TBC1D1: variants seen among roughly 807,000 people sequenced by gnomAD.
TBC1D1 encodes TBC1 domain family member 1, also known as TBC1 (tre-2/USP6, BUB2, cdc16) domain family, member 1.
In TBC1D1, 89 loss-of-function variants were observed where a neutral mutation model predicts 125.6. That is an observed-to-expected ratio of 0.71 (90% confidence interval 0.60 to 0.85). The LOEUF is 0.85. Among genes scored for constraint, TBC1D1 ranks in the 40% least tolerant of loss-of-function variants. TBC1D1 has a pLI of 0.00. For missense variants in TBC1D1, 1,377 were observed against 1,469.2 expected, an observed-to-expected ratio of 0.94 and a Z score of 1.03; for synonymous variants, 565 against 564.1, an observed-to-expected ratio of 1.00 and a Z score of -0.02.
intron 16 of TBC1D1, 75 bp from the exon 19 acceptor site, chr4:38,117,958 C>T (rs1265450768): frequency 7.3e-7 from 1 of 1,369,230 alleles, no homozygotes; most frequent in African/African-American, 1.4e-5. Flanking sequence ...TTACACCCAC[C>T]CTGTGAGCAG....
chr4:38,068,215 A>G (rs577993903), intron 12 of TBC1D1, among the ~76,000 whole-genome samples: 4 of 152,142 alleles, frequency 2.6e-5, no homozygotes, highest in South Asian at 2.1e-4. Context: ...TCCCTAGTGT[A>G]CTTCCATTTG....
intron 6 of TBC1D1, among the ~76,000 whole-genome samples, chr4:38,022,930 C>T (rs530339004): frequency 9.9e-5 from 15 of 152,142 alleles, no homozygotes; most frequent in Non-Finnish European, 1.9e-4. Context: ...GATCATTTCT[C>T]ATGTTTGTAG....
chr4:37,910,316 A>G (rs1718308589), intron 2 of TBC1D1, among the ~76,000 whole-genome samples: 1 of 152,216 alleles, frequency 6.6e-6, no homozygotes, highest in South Asian at 2.1e-4. Context: ...GTCATTTGCA[A>G]CTACTGAGCA....
chr4:38,096,746 A>G (rs1387117269), intron 14 of TBC1D1, among the ~76,000 whole-genome samples: 1 of 152,216 alleles, frequency 6.6e-6, no homozygotes. Flanking sequence ...GTTTCCAGCA[A>G]TGTGACACAG....
At chr4:37,940,706 C>T (rs563488338) in intron 2 of TBC1D1, among the ~76,000 whole-genome samples, 15 of 152,200 alleles carry the variant, frequency 9.9e-5, no homozygotes, top group African/African-American at 3.1e-4. Flanking sequence ...CCATCAATAC[C>T]GAATTCATTG....
At chr4:37,967,152 G>C (rs1390186606) in intron 2 of TBC1D1, among the ~76,000 whole-genome samples, 5 of 152,122 alleles carry the variant, frequency 3.3e-5, no homozygotes, top group African/African-American at 1.2e-4. Context: ...CATTCACAAA[G>C]AGCTTCATTT....
At chr4:38,025,238 G>A (rs1744844108) in intron 6 of TBC1D1, among the ~76,000 whole-genome samples, 1 of 152,216 alleles carries the variant, frequency 6.6e-6, no homozygotes, top group African/African-American at 2.4e-5. Flanking sequence ...GTTGTAGTTT[G>A]GAAACTCTCT....
intron 2 of TBC1D1, among the ~76,000 whole-genome samples, chr4:37,954,726 C>T (rs1018290333): frequency 2.0e-5 from 3 of 151,860 alleles, no homozygotes; most frequent in African/African-American, 7.3e-5. Flanking sequence ...GGCGGAAGTG[C>T]CTACTTAGTG....
intron 2 of TBC1D1, among the ~76,000 whole-genome samples, chr4:37,949,510 G>A (rs1727393419): frequency 6.6e-6 from 1 of 152,186 alleles, no homozygotes; most frequent in African/African-American, 2.4e-5. Context: ...GGTGCGTACT[G>A]GCAGCTTCTC....
intron 12 of TBC1D1, among the ~76,000 whole-genome samples, chr4:38,077,792 T>G (rs918537066): frequency 6.6e-6 from 1 of 152,176 alleles, no homozygotes. Context: ...TGGGCTTTTA[T>G]GTCAAGTGCT....
chr4:38,131,849 A>C (rs1308267953), intron 18 of TBC1D1, among the ~76,000 whole-genome samples: 1 of 152,112 alleles, frequency 6.6e-6, no homozygotes, highest in Non-Finnish European at 1.5e-5. Flanking sequence ...ATGCACACAC[A>C]CCCCACAGAT....
At chr4:38,087,502 A>G (rs1247730668) in intron 12 of TBC1D1, among the ~76,000 whole-genome samples, 2 of 152,198 alleles carry the variant, frequency 1.3e-5, no homozygotes, top group African/African-American at 4.8e-5. Flanking sequence ...GATTAGAAGA[A>G]GGAGTTTAGG....
At chr4:37,919,136 G>A (rs1385701843) in intron 2 of TBC1D1, among the ~76,000 whole-genome samples, 1 of 151,486 alleles carries the variant, frequency 6.6e-6, no homozygotes, top group African/African-American at 2.4e-5. Flanking sequence ...AAAGGTTCAG[G>A]AGAAGAAATA....
intron 13 of TBC1D1, among the ~76,000 whole-genome samples, chr4:38,095,159 T>C (rs1759116737): frequency 6.6e-6 from 1 of 152,204 alleles, no homozygotes; most frequent in South Asian, 2.1e-4. Flanking sequence ...AAGGCAGCAC[T>C]GGGCTTAGAG....
At chr4:38,016,576 C>T (rs920936807) in intron 3 of TBC1D1, among the ~76,000 whole-genome samples, 4 of 152,150 alleles carry the variant, frequency 2.6e-5, no homozygotes, top group Admixed American at 2.6e-4. Flanking sequence ...TACAAATAAA[C>T]AAGTAAAAGA....
intron 12 of TBC1D1, among the ~76,000 whole-genome samples, chr4:38,059,517 T>C (rs1471539548): frequency 1.3e-5 from 2 of 152,228 alleles, no homozygotes; most frequent in Non-Finnish European, 2.9e-5. Context: ...AGTGATGCTT[T>C]AAGTGTGGCA....
chr4:37,968,524 A>C (rs1560544892), intron 2 of TBC1D1, among the ~76,000 whole-genome samples: 2 of 152,256 alleles, frequency 1.3e-5, no homozygotes, highest in East Asian at 3.8e-4. Context: ...AAATGTTGAC[A>C]TGGATATATC....
At position 38,118,064 on chromosome 4, in the gene TBC1D1, A is replaced by G; in HGVS notation, c.2834A>G (p.His945Arg). The G allele has an allele frequency of 4.3e-6, 7 of 1,614,144 alleles. No homozygotes were observed. The highest frequency in any genetic ancestry group is 5.9e-6 in the Non-Finnish European group (7 of 1,180,006). ...ATGTACCAGCTCTCGAGGTTGCTTC[A>G]TGATTACCACAGAGACCTCTACAAT... Residue 945 changes from histidine (H) to arginine (R), a missense_variant, in exon 17 of 20, where the codon CAT becomes CGT. This residue lies in a region of TBC1D1 where 543 missense variants were observed against 613.5 expected (regional missense o/e 0.89). Coordinates refer to ENST00000261439, the MANE Select transcript of TBC1D1 (RefSeq NM_015173.4).
intron 12 of TBC1D1, among the ~76,000 whole-genome samples, chr4:38,067,186 A>G (rs1230103665): frequency 6.6e-6 from 1 of 152,184 alleles, no homozygotes; most frequent in African/African-American, 2.4e-5. Flanking sequence ...GATTTTAAAC[A>G]TTATTTACCA....
Sources: allele counts gnomAD v4.1 joint callset (sites outside exome capture counted in the v4.1 genomes callset), GRCh38; gene constraint gnomAD v4.1.1; regional missense constraint gnomAD v4.1.1; transcripts MANE v1.5; gene names NCBI Gene and HGNC (gene_info 2026-07-23, HGNC 2026-07-21).